BRPF3: variants seen among roughly 807,000 people sequenced by gnomAD.
The protein encoded by BRPF3 is bromodomain and PHD finger containing 3, also known as bromodomain and PHD finger-containing protein 3.
In BRPF3, 18 loss-of-function variants were observed where a neutral mutation model predicts 102.0. That is an observed-to-expected ratio of 0.18 (90% CI 0.12 to 0.26). The LOEUF is 0.26. BRPF3 is among the 10% of genes least tolerant of loss of function. BRPF3 has a pLI of 1.00. For synonymous variants in BRPF3, 570 were observed against 614.2 expected (o/e 0.93, Z 1.06); for missense variants, 1,147 against 1,567.8 (o/e 0.73, Z 4.53).
chr6:36,225,560 T>C (rs1043521548), intron 11 of BRPF3, among the ~76,000 whole-genome samples, 196 bp downstream of exon 11: 9 of 152,170 alleles, frequency 5.9e-5, no homozygotes, highest in Admixed American at 1.3e-4. Context: ...GCTAAAAGTA[T>C]GCAGATCAAG....
chr6:36,205,209 AC>A (rs1168097829), intron 3 of BRPF3, among the ~76,000 whole-genome samples: 1 of 152,266 alleles, frequency 6.6e-6, no homozygotes, highest in Non-Finnish European at 1.5e-5. Flanking sequence ...CATAGTAAAT[AC>A]ACAAATTTAC....
chr6:36,226,882 G>A (rs927295692), intron 11 of BRPF3, among the ~76,000 whole-genome samples: 7 of 152,226 alleles, frequency 4.6e-5, no homozygotes, highest in African/African-American at 1.7e-4. Context: ...CCTTCACAGG[G>A]CTCTCTGCCC....
intron 9 of BRPF3, among the ~76,000 whole-genome samples, chr6:36,219,271 A>G (rs1457875162): frequency 5.3e-5 from 8 of 152,136 alleles, no homozygotes; most frequent in Non-Finnish European, 1.2e-4. Flanking sequence ...GCCAACCCTC[A>G]GAGTTGCCCT....
At chr6:36,221,281 CTTTTTT>C (rs35018880) in intron 9 of BRPF3, among the ~76,000 whole-genome samples, 22 of 76,704 alleles carry the variant, frequency 2.9e-4, no homozygotes, top group African/African-American at 4.8e-5. Context: ...AATTGGTCTA[CTTTTTT>C]TTTTTTTTTT....
chr6:36,214,332 A>C lies in BRPF3; in HGVS notation c.2935A>C (p.Arg979=), dbSNP rs1194692998. ...CCACTCCCGGAAGCGGCCAAGGAGC[A>C]GGAGCTGTAGTGAGAGCGAAGGGGA... is the stretch of plus-strand genomic sequence containing the variant. The part of the protein sequence containing the change: ...ERHSRKRPRS[R]SCSESEGERS... Residue 979 remains arginine (R), a synonymous_variant, in exon 8 of 13, where the codon AGG becomes CGG. Transcript: ENST00000357641. 1.9e-6 allele frequency: 3 copies of C among 1,612,766 alleles called. No individual in the cohort carries two copies. In the African/African-American group the frequency reaches 4.0e-5, roughly 22 times the overall value.
chr6:36,224,261 A>G (rs910552438), intron 10 of BRPF3, among the ~76,000 whole-genome samples: 4 of 152,184 alleles, frequency 2.6e-5, no homozygotes, highest in Admixed American at 6.5e-5. Flanking sequence ...AGAAATAACA[A>G]TTTCCACCCT....
chr6:36,208,138 A>G (rs987039566), intron 4 of BRPF3, among the ~76,000 whole-genome samples: 15 of 152,222 alleles, frequency 9.9e-5, no homozygotes, highest in African/African-American at 1.7e-4. Context: ...AGAGCTTAGA[A>G]CAGTGCCTGG....
chr6:36,208,297 G>A (rs775494196), intron 4 of BRPF3, among the ~76,000 whole-genome samples: 1 of 152,188 alleles, frequency 6.6e-6, no homozygotes, highest in African/African-American at 2.4e-5. Flanking sequence ...CTCTGGTCTA[G>A]GAATAGCAGC....
At position 36,211,430 on chromosome 6, in the gene BRPF3, GCCA is replaced by G. The variant is rs773739746; in HGVS notation, c.2363_2365del (p.Pro788del). On this transcript the variant is annotated inframe_deletion, in exon 7 of 13. Transcript: ENST00000357641. ...ATGCCCTTCGGCAGAAGCTGGCACAGCCACCACCACCACAGCCACCATCACTCA... is the reference window on the plus strand; with the variant it reads ...ATGCCCTTCGGCAGAAGCTGGCACAGCCACCACCACAGCCACCATCACTCA... The G allele has an allele frequency of 1.9e-6, 3 of 1,611,632 alleles. No individual in the cohort carries two copies. The highest frequency in any genetic ancestry group is 1.7e-6 in the Non-Finnish European group (2 of 1,179,124).
rs1410394378 is a variant in BRPF3, at chr6:36,213,883, A to T, written c.2486A>T (p.Asp829Val). 1.3e-6 allele frequency: 2 copies of T among 1,588,074 alleles called. No individual in the cohort carries two copies. The highest frequency in any genetic ancestry group is 2.2e-5 in the East Asian group (1 of 44,574). ...EEPEDDGDRDDSKLPPPPTLE... is the reference protein window; with the variant it reads ...EEPEDDGDRDVSKLPPPPTLE... ...AGATTCTCTTTTTTTCTAATAGATG[A>T]CTCCAAACTGCCTCCTCCGCCAACC... Residue 829 changes from aspartate (D) to valine (V), a missense_variant, in exon 8 of 13, where the codon GAC (aspartate) becomes GTC (valine). This residue lies in a region of BRPF3 where 379 missense variants were observed against 426.3 expected (regional missense o/e 0.89). Coordinates refer to ENST00000357641, the MANE Select transcript of BRPF3 (RefSeq NM_015695.3).
At chr6:36,228,280 A>C (rs928161805) in intron 11 of BRPF3, among the ~76,000 whole-genome samples, 1 of 152,184 alleles carries the variant, frequency 6.6e-6, no homozygotes, top group African/African-American at 2.4e-5. Flanking sequence ...TGATGCTGCC[A>C]GGCATTTTGC....
At chr6:36,223,585 A>G (rs758960464) in intron 10 of BRPF3, among the ~76,000 whole-genome samples, 10 of 152,116 alleles carry the variant, frequency 6.6e-5, no homozygotes, top group Non-Finnish European at 1.0e-4. Flanking sequence ...ACCCAAACAC[A>G]TGCACTTTTG....
intron 4 of BRPF3, among the ~76,000 whole-genome samples, chr6:36,209,277 T>A (rs183450969): frequency 6.6e-6 from 1 of 152,250 alleles, no homozygotes; most frequent in East Asian, 1.9e-4. Flanking sequence ...AAGTACAGAG[T>A]TAGTGTGGCA....
Position 36,200,630 on chromosome 6 carries a change from G to T in BRPF3, c.308G>T (p.Cys103Phe). The T allele has an allele frequency of 6.2e-7, 1 of 1,614,196 alleles. No homozygotes were observed. The highest frequency in any genetic ancestry group is 8.5e-7 in the Non-Finnish European group (1 of 1,180,036). The change falls in exon 2 of 13, where the codon TGC becomes TTC. Residue 103 changes from cysteine (C) to phenylalanine (F), a missense_variant. This residue lies in a region of BRPF3 where 221 missense variants were observed against 337.1 expected (regional missense o/e 0.66). Coordinates refer to ENST00000357641, the MANE Select transcript of BRPF3 (RefSeq NM_015695.3). The surrounding 1 kb of genome is among the most constrained non-coding windows in gnomAD (Gnocchi z 5.3). ...TCCAAGGGCAAAAAGAAGGAATCCT[G>T]CTCCAAGCATGCATCTGGTACTTCC... is the stretch of plus-strand genomic sequence containing the variant. ...PSSKGKKKES[C>F]SKHASGTSFH...
chr6:36,214,440 C>G, intron 8 of BRPF3, 54 bp downstream of exon 8: 1 of 1,502,828 alleles, frequency 6.7e-7, no homozygotes, highest in Non-Finnish European at 8.8e-7. Flanking sequence ...TCTGCTTTGC[C>G]TTGCCAACCA....
intron 1 of BRPF3, among the ~76,000 whole-genome samples, chr6:36,198,347 G>A (rs1468545843): frequency 6.6e-6 from 1 of 152,182 alleles, no homozygotes; most frequent in Non-Finnish European, 1.5e-5. Context: ...GGAGTATGGA[G>A]GCATAGAGAG....
At chr6:36,222,441 T>C (rs1326599766) in intron 10 of BRPF3, among the ~76,000 whole-genome samples, 176 bp downstream of exon 10, 1 of 152,106 alleles carries the variant, frequency 6.6e-6, no homozygotes, top group African/African-American at 2.4e-5. Flanking sequence ...CTCTTTTTTT[T>C]TTTTTAATTG....
In BRPF3 at chr6:36,230,316, C is replaced by T. The variant is rs556100827; in HGVS notation, c.3435-110C>T. ...GAGTCCCCCAATTTGCTTCCCTCTG[C>T]CCTGTACCCTCTCCCTGGCTTTGCT... On this transcript the variant is annotated intron_variant, in intron 12 of 12. Transcript: ENST00000357641. This position sits in a 1 kb window ranked among gnomAD's most constrained non-coding sequence, Gnocchi z 5.4. The T allele has an allele frequency of 2.7e-6, 3 of 1,117,036 alleles. No homozygotes were observed. The highest frequency in any genetic ancestry group is 3.1e-5 in the African/African-American group (2 of 64,626). The allele number at this position is 1,117,036 out of a possible 1,614,324, so 69.2% of individuals were successfully genotyped here.
Position 36,209,806 on chromosome 6 carries a change from C to T in BRPF3, c.1757C>T (p.Ala586Val). 1 of 1,614,136 alleles carries T rather than the reference C, an allele frequency of 6.2e-7. No individual in the cohort carries two copies. The highest frequency in any genetic ancestry group is 8.5e-7 in the Non-Finnish European group (1 of 1,179,994). Reference protein sequence around the residue: ...KREQVKVQQAAMELELMPFNV... With the variant: ...KREQVKVQQAVMELELMPFNV... ...CCACAGGTCAAAGTCCAGCAGGCTGCCATGGAGCTGGAGCTGATGCCATTC... is the reference window on the plus strand; with the variant it reads ...CCACAGGTCAAAGTCCAGCAGGCTGTCATGGAGCTGGAGCTGATGCCATTC... Residue 586 changes from alanine to valine, a missense_variant, in exon 5 of 13, where the codon GCC (alanine) becomes GTC (valine). Physicochemically the swap from Ala to Val is moderately conservative, Grantham distance 64 (BLOSUM62 0). Around this residue, in one of 11 missense-constraint regions of BRPF3, gnomAD observed 44 missense variants for 38.6 expected, o/e 1.14. Coordinates refer to ENST00000357641, the MANE Select transcript of BRPF3 (RefSeq NM_015695.3).
Sources: gnomAD v4.1 joint callset for allele counts (sites outside exome capture counted in the v4.1 genomes callset) on GRCh38, gnomAD v4.1.1 for gene constraint, gnomAD v4.1.1 regional missense constraint, Gnocchi (gnomAD v3.1) non-coding constraint, MANE v1.5 for transcripts, NCBI Gene and HGNC (gene_info 2026-07-23, HGNC 2026-07-21) for gene names.